TMEM45B: variants seen among roughly 807,000 people sequenced by gnomAD.
TMEM45B encodes transmembrane protein 45B.
In TMEM45B, 29 loss-of-function variants were observed where a neutral mutation model predicts 27.3. The observed-to-expected ratio is 1.06, with a 90% CI of 0.79 to 1.45. TMEM45B has a LOEUF of 1.45. Ranked by LOEUF, TMEM45B falls within the 40% of genes most tolerant of loss-of-function variation. TMEM45B has a pLI of 0.00. For missense variants in TMEM45B, 348 were observed against 343.9 expected (o/e 1.01, Z -0.09); for synonymous variants, 143 against 134.7 (o/e 1.06, Z -0.43).
At chr11:129,848,348 C>CA (rs1318170966) in intron 1 of TMEM45B, among the ~76,000 whole-genome samples, 7 of 152,238 alleles carry the variant, frequency 4.6e-5, no homozygotes, top group Admixed American at 2.0e-4. Context: ...CCGTCTCCAC[C>CA]AAAAAAATAC....
chr11:129,845,259 T>TTGTG (rs1253206503), intron 1 of TMEM45B, among the ~76,000 whole-genome samples: 1 of 120,230 alleles, frequency 8.3e-6, no homozygotes, highest in African/African-American at 3.1e-5. Context: ...ATGGCTTATT[T>TTGTG]TGTGTGTGTG....
chr11:129,817,038 G>A (rs1419364175), intron 1 of TMEM45B, among the ~76,000 whole-genome samples: 1 of 151,546 alleles, frequency 6.6e-6, no homozygotes, highest in Non-Finnish European at 1.5e-5. Flanking sequence ...GAACCACCGC[G>A]CCCAGCTAGA....
chr11:129,821,901 A>T (rs1351908142), intron 1 of TMEM45B, among the ~76,000 whole-genome samples: 2 of 152,092 alleles, frequency 1.3e-5, no homozygotes, highest in African/African-American at 4.8e-5. Context: ...TCACTGTCCT[A>T]AGTATTTTCT....
At chr11:129,840,960 A>AAAAAAAAAAAAAG in intron 1 of TMEM45B, among the ~76,000 whole-genome samples, 1 of 149,730 alleles carries the variant, frequency 6.7e-6, no homozygotes, top group Non-Finnish European at 1.5e-5. Context: ...AAAAAAAAAA[A>AAAAAAAAAAAAAG]AAAAAAAAAA....
At chr11:129,841,667 G>A (rs923821405) in intron 1 of TMEM45B, among the ~76,000 whole-genome samples, 2 of 146,318 alleles carry the variant, frequency 1.4e-5, no homozygotes, top group Non-Finnish European at 1.5e-5. Flanking sequence ...CGTGATCTCA[G>A]CTCACTGCAA....
At chr11:129,827,937 T>G (rs1947505308) in intron 1 of TMEM45B, among the ~76,000 whole-genome samples, 1 of 152,074 alleles carries the variant, frequency 6.6e-6, no homozygotes, top group Non-Finnish European at 1.5e-5. Context: ...GCCACCGCCC[T>G]CCAGCCTGGG....
chr11:129,817,076 G>A lies in TMEM45B; in HGVS notation c.-9+1178G>A, dbSNP rs145250407. Among the ~76,000 whole-genome samples, 12 of 151,986 alleles carry A rather than the reference G, an allele frequency of 7.9e-5. No individual in the cohort carries two copies. The South Asian group carries it at 1.2e-3, about 16-fold the overall frequency. On this transcript the variant is annotated intron_variant, in intron 1 of 5. Transcript: ENST00000281441. Reference sequence around the variant, plus strand: ...TGGCCACTTCTTTCACGTTCTCTTCGACCGCTTTCTGCGGTGTCTGCCCTT... The same window carrying A: ...TGGCCACTTCTTTCACGTTCTCTTCAACCGCTTTCTGCGGTGTCTGCCCTT...
chr11:129,853,686 A>G (rs11824216), intron 2 of TMEM45B, among the ~76,000 whole-genome samples: 2,076 of 151,808 alleles, frequency 0.014, 46 homozygotes, highest in African/African-American at 0.047. Context: ...TAGGAGATAC[A>G]CTGGGGAACC....
chr11:129,832,325 G>A lies in TMEM45B; in HGVS notation c.-9+16427G>A, dbSNP rs192775610. Among the ~76,000 whole-genome samples the A allele has an allele frequency of 3.8e-3, 552 of 146,918 alleles. 3 individuals carry two copies. Among genetic ancestry groups the A allele is most frequent in the Non-Finnish European group, 6.1e-3 (407 of 66,318 alleles). On this transcript the variant is annotated intron_variant, in intron 1 of 5. Coordinates refer to ENST00000281441, the MANE Select transcript of TMEM45B (RefSeq NM_138788.5). ...GCGGAGCTTGCAGTGAGCCGAGATC[G>A]CACCACTGCACTCCAGCCTGGGCGA... is the stretch of plus-strand genomic sequence containing the variant.
At chr11:129,848,879 C>A (rs1947805201) in intron 1 of TMEM45B, among the ~76,000 whole-genome samples, 1 of 152,178 alleles carries the variant, frequency 6.6e-6, no homozygotes, top group South Asian at 2.1e-4. Flanking sequence ...AAGCAACTCC[C>A]TCCATTCAGC....
chr11:129,856,452 C>T lies in TMEM45B; in HGVS notation c.570+560C>T, dbSNP rs986118404. The stretch of plus-strand genomic sequence containing the variant: ...TCTCGAACTCCTGAACTCGAGTGAT[C>T]CGCCTGCCTCAGCCTCCCAAAGAGC... On this transcript the variant is annotated intron_variant, in intron 4 of 5. Coordinates refer to ENST00000281441, the MANE Select transcript of TMEM45B (RefSeq NM_138788.5). Among the ~76,000 whole-genome samples the T allele has an allele frequency of 3.9e-5, 6 of 151,904 alleles. No homozygotes were observed. The East Asian group carries it at 1.2e-3, about 30-fold the overall frequency.
At chr11:129,819,938 C>G (rs1591431900) in intron 1 of TMEM45B, among the ~76,000 whole-genome samples, 1 of 152,198 alleles carries the variant, frequency 6.6e-6, no homozygotes, top group Non-Finnish European at 1.5e-5. Context: ...TTGGCCAGAA[C>G]CATATCACAT....
chr11:129,829,691 C>A (rs1232266693), intron 1 of TMEM45B, among the ~76,000 whole-genome samples: 2 of 152,200 alleles, frequency 1.3e-5, no homozygotes, highest in Non-Finnish European at 2.9e-5. Context: ...CATGACACTA[C>A]CCTCTATAAT....
At chr11:129,835,878 G>A (rs1479614951) in intron 1 of TMEM45B, among the ~76,000 whole-genome samples, 1 of 152,256 alleles carries the variant, frequency 6.6e-6, no homozygotes, top group Non-Finnish European at 1.5e-5. Flanking sequence ...AACACTTTGG[G>A]AAGCTGAGGC....
At chr11:129,858,447 C>A in intron 5 of TMEM45B, 127 bp from the exon 6 acceptor site, 1 of 602,376 alleles carries the variant, frequency 1.7e-6, no homozygotes, top group Non-Finnish European at 2.9e-6. Context: ...AGTTTATAGA[C>A]ATGTAATCAC....
At chr11:129,834,455 G>A (rs1364787127) in intron 1 of TMEM45B, among the ~76,000 whole-genome samples, 1 of 149,316 alleles carries the variant, frequency 6.7e-6, no homozygotes, top group Non-Finnish European at 1.5e-5. Flanking sequence ...AACAGCAACA[G>A]AAATGTGGAC....
At chr11:129,827,195 G>A (rs1202843555) in intron 1 of TMEM45B, 1 of 152,250 alleles carries the variant, frequency 6.6e-6, no homozygotes, top group Non-Finnish European at 1.5e-5. Flanking sequence ...CACAAGTATT[G>A]TCATGTGGTG....
chr11:129,819,303 G>A (rs1349325773), intron 1 of TMEM45B, among the ~76,000 whole-genome samples: 11 of 152,300 alleles, frequency 7.2e-5, no homozygotes, highest in Middle Eastern at 3.4e-3. Flanking sequence ...CTACTACAGC[G>A]GCTTAAACAA....
chr11:129,856,303 C>T (rs1947923879), intron 4 of TMEM45B, among the ~76,000 whole-genome samples: 1 of 152,092 alleles, frequency 6.6e-6, no homozygotes. Flanking sequence ...CCTCCATCTC[C>T]CAGGTTCAAG....
Sources: gnomAD v4.1 joint callset for allele counts (sites outside exome capture counted in the v4.1 genomes callset) on GRCh38, gnomAD v4.1.1 for gene constraint, MANE v1.5 for transcripts, NCBI Gene and HGNC (gene_info 2026-07-23, HGNC 2026-07-21) for gene names.